WFDC11: variants seen among roughly 807,000 people sequenced by gnomAD.
WFDC11 encodes protein WFDC11.
In WFDC11, 9 loss-of-function variants were observed where a neutral mutation model predicts 9.9. That is an observed-to-expected ratio of 0.91 (90% CI 0.55 to 1.58). WFDC11 has a LOEUF of 1.58. Ranked by LOEUF, WFDC11 falls within the 40% of genes most tolerant of loss-of-function variation. WFDC11 has a pLI of 0.00. For missense variants in WFDC11, 106 were observed against 101.7 expected, an observed-to-expected ratio of 1.04 and a Z score of -0.18; for synonymous variants, 32 against 33.3, an observed-to-expected ratio of 0.96 and a Z score of 0.13.
intron 2 of WFDC11, among the ~76,000 whole-genome samples, chr20:45,665,087 C>T (rs1226286650): frequency 6.6e-6 from 1 of 152,138 alleles, no homozygotes. Context: ...CACATAGTCC[C>T]GTATTTCTTG....
chr20:45,664,183 C>T (rs1983136926), intron 2 of WFDC11, among the ~76,000 whole-genome samples: 2 of 150,358 alleles, frequency 1.3e-5, no homozygotes, highest in African/African-American at 4.9e-5. Context: ...ATGTAATGGC[C>T]TTGTCTCTTT....
At position 45,667,095 on chromosome 20, in the gene WFDC11, G is replaced by C. The variant is rs1015867740; in HGVS notation, c.-59C>G. 7 of 152,264 alleles carry C rather than the reference G, an allele frequency of 4.6e-5. No homozygotes were observed. The highest frequency in any genetic ancestry group is 1.7e-4 in the African/African-American group (7 of 41,462). 9.4% of individuals were successfully genotyped at this position (152,264 alleles called of 1,614,324 possible). ...ACCCTGACCCCCACCTACCTTTGAA[G>C]ATGTTGGAGTTGGAGGTGCTGAAAC... On this transcript the variant is annotated 5_prime_UTR_variant, in exon 2 of 5. It adds an upstream start codon to the 5' untranslated region. Transcript: ENST00000324384.
At chr20:45,657,542 C>A (rs1982962831) in intron 2 of WFDC11, among the ~76,000 whole-genome samples, 1 of 152,072 alleles carries the variant, frequency 6.6e-6, no homozygotes, top group South Asian at 2.1e-4. Flanking sequence ...GTGTAACTAA[C>A]CTGCACGTTG....
chr20:45,652,773 T>G (rs1982838164), intron 2 of WFDC11, among the ~76,000 whole-genome samples: 2 of 152,184 alleles, frequency 1.3e-5, no homozygotes, highest in Admixed American at 1.3e-4. Flanking sequence ...GCATGAGAAC[T>G]ATGTGACAAA....
At chr20:45,664,867 A>C (rs1346777830) in intron 2 of WFDC11, among the ~76,000 whole-genome samples, 1 of 151,738 alleles carries the variant, frequency 6.6e-6, no homozygotes, top group African/African-American at 2.4e-5. Context: ...CTTCATTTCA[A>C]CTTTAGTGAA....
chr20:45,662,232 T>G (rs1983086067), intron 2 of WFDC11, among the ~76,000 whole-genome samples: 1 of 152,164 alleles, frequency 6.6e-6, no homozygotes, highest in African/African-American at 2.4e-5. Context: ...CTGTTATTGG[T>G]GTATAAGAAT....
intron 2 of WFDC11, among the ~76,000 whole-genome samples, chr20:45,660,026 T>C (rs1983022036): frequency 6.6e-6 from 1 of 152,164 alleles, no homozygotes; most frequent in Non-Finnish European, 1.5e-5. Flanking sequence ...TGGTTGTAGA[T>C]GTGTGGTGTT....
At chr20:45,658,872 C>T (rs1982992405) in intron 2 of WFDC11, among the ~76,000 whole-genome samples, 4 of 151,496 alleles carry the variant, frequency 2.6e-5, no homozygotes, top group Admixed American at 2.6e-4. Flanking sequence ...CCCTCCCCCA[C>T]ATCCCCCGCC....
chr20:45,667,684 A>C (rs6073846), intron 1 of WFDC11, among the ~76,000 whole-genome samples: 28,853 of 152,138 alleles, frequency 0.19, 2,983 homozygotes, highest in East Asian at 0.32. Context: ...CAAATCCTAC[A>C]TCCCACTTAC....
At chr20:45,653,331 C>T (rs954963682) in intron 2 of WFDC11, among the ~76,000 whole-genome samples, 1 of 151,976 alleles carries the variant, frequency 6.6e-6, no homozygotes, top group Non-Finnish European at 1.5e-5. Context: ...CCAAACTAAG[C>T]TTCATAAGTG....
chr20:45,657,026 G>A (rs1231140914), intron 2 of WFDC11, among the ~76,000 whole-genome samples: 2 of 152,186 alleles, frequency 1.3e-5, no homozygotes, highest in Non-Finnish European at 2.9e-5. Context: ...TCAGTGTGGA[G>A]ATTCCTCAAG....
At chr20:45,668,481 AG>A (rs1210424879) in intron 1 of WFDC11, among the ~76,000 whole-genome samples, 3 of 143,552 alleles carry the variant, frequency 2.1e-5, no homozygotes, top group Non-Finnish European at 3.0e-5. Context: ...TTCTCTCCGT[AG>A]GAAAAAAAAA....
intron 2 of WFDC11, among the ~76,000 whole-genome samples, chr20:45,664,639 T>C (rs1272840602): frequency 6.6e-6 from 1 of 152,220 alleles, no homozygotes; most frequent in Non-Finnish European, 1.5e-5. Context: ...TCAGCATTTC[T>C]TGTCTGTAAA....
chr20:45,657,466 GA>G lies in WFDC11; in HGVS notation c.-51-6816del, dbSNP rs557030348. ...GGGGAGGGGGGAGGGATAGCATTTG[GA>G]GACATACCTAATGTTAAATGACGAG... On this transcript the variant is annotated intron_variant, in intron 2 of 4. Transcript: ENST00000324384. Among the ~76,000 whole-genome samples, 1,398 of 151,304 alleles carry G rather than the reference GA, an allele frequency of 9.2e-3. 15 individuals are homozygous for G. Among genetic ancestry groups the G allele is most frequent in the African/African-American group, 0.033 (1,352 of 41,012 alleles).
intron 2 of WFDC11, among the ~76,000 whole-genome samples, chr20:45,655,371 A>C (rs982922379): frequency 2.0e-5 from 3 of 152,234 alleles, no homozygotes; most frequent in Admixed American, 1.3e-4. Context: ...GGCCTTTGAC[A>C]AAATTCAACA....
At chr20:45,663,589 C>A (rs988517184) in intron 2 of WFDC11, among the ~76,000 whole-genome samples, 1 of 152,214 alleles carries the variant, frequency 6.6e-6, no homozygotes, top group African/African-American at 2.4e-5. Flanking sequence ...CCTCTATGCA[C>A]TGCTTAAAAT....
chr20:45,663,009 T>G (rs960910929), intron 2 of WFDC11, among the ~76,000 whole-genome samples: 1 of 152,230 alleles, frequency 6.6e-6, no homozygotes, highest in African/African-American at 2.4e-5. Context: ...CAGCTCCTCT[T>G]TGTACCTCTG....
chr20:45,651,252 A>G (rs1008717981), intron 2 of WFDC11, among the ~76,000 whole-genome samples: 1 of 152,236 alleles, frequency 6.6e-6, no homozygotes, highest in Non-Finnish European at 1.5e-5. Context: ...TACACCATAT[A>G]TATAGAGAGG....
chr20:45,664,716 C>A (rs1162373372), intron 2 of WFDC11, among the ~76,000 whole-genome samples: 1 of 152,174 alleles, frequency 6.6e-6, no homozygotes, highest in African/African-American at 2.4e-5. Flanking sequence ...ATTGAAAATT[C>A]TTTTCTTTAA....
Sources: allele counts gnomAD v4.1 joint callset (sites outside exome capture counted in the v4.1 genomes callset), GRCh38; gene constraint gnomAD v4.1.1; transcripts MANE v1.5; gene names NCBI Gene and HGNC (gene_info 2026-07-23, HGNC 2026-07-21).